The following TRIP12 variants were observed in gnomAD, a reference collection of about 807,000 sequenced individuals.
The protein encoded by TRIP12 is E3 ubiquitin-protein ligase TRIP12.
A neutral mutation model predicts 244.2 loss-of-function variants in TRIP12; 25 were observed. The observed-to-expected ratio is 0.10, with a 90% confidence interval of 0.07 to 0.14. The LOEUF is 0.14. TRIP12 is among the 10% of genes least tolerant of loss of function. TRIP12 has a pLI of 1.00. For missense variants in TRIP12, 1,677 were observed against 2,486.4 expected (o/e 0.67, Z 6.92); for synonymous variants, 905 against 873.1 (o/e 1.04, Z -0.64).
chr2:229,799,260 C>G (rs1262480366), intron 22 of TRIP12, 23 bp downstream of exon 22: 3 of 1,612,438 alleles, frequency 1.9e-6, no homozygotes, highest in Non-Finnish European at 2.5e-6. Context: ...TTTACCTCCC[C>G]ATAGTTTCAT....
At chr2:229,922,542 T>C (rs759130535), upstream of TRIP12, 1 of 1,613,966 alleles carries the variant, frequency 6.2e-7, no homozygotes, top group Non-Finnish European at 8.5e-7. Context: ...GAGACTCTCT[T>C]TGAAACTGTA....
At chr2:229,793,320 T>G (rs1017635258) in intron 26 of TRIP12, 175 bp from the exon 27 acceptor site, 3 of 559,848 alleles carry the variant, frequency 5.4e-6, no homozygotes, top group African/African-American at 3.7e-5. Flanking sequence ...TTAGAAAAAA[T>G]TTTTATACGT....
In TRIP12 at chr2:229,778,600, C is replaced by T. The variant is rs2037062761; in HGVS notation, c.5210-13G>A. 1 of 1,602,526 alleles carries T rather than the reference C, an allele frequency of 6.2e-7. No homozygotes were observed. The highest frequency in any genetic ancestry group is 8.5e-7 in the Non-Finnish European group (1 of 1,174,446). ...CCTTCTTGGCTCCCTGAAAAACAAG[C>T]AATGCAGCAAACTTCAGATGATGTT... is the stretch of plus-strand genomic sequence containing the variant. On this transcript the variant is annotated splice_polypyrimidine_tract_variant and intron_variant, in intron 35 of 41. Coordinates refer to ENST00000675903, the MANE Select transcript of TRIP12 (RefSeq NM_001348323.3). This position sits in a 1 kb window ranked among gnomAD's most constrained non-coding sequence, Gnocchi z 4.1.
upstream of TRIP12, among the ~76,000 whole-genome samples, chr2:229,922,839 C>T (rs976187855): frequency 4.6e-5 from 7 of 152,196 alleles, no homozygotes; most frequent in African/African-American, 1.7e-4. Flanking sequence ...CTCTGCCTCC[C>T]CGCGGTGCCG....
At chr2:229,869,691 T>C (rs2062191943) in intron 2 of TRIP12, among the ~76,000 whole-genome samples, 1 of 152,202 alleles carries the variant, frequency 6.6e-6, no homozygotes, top group Non-Finnish European at 1.5e-5. Context: ...AATCTTATAC[T>C]GATGTTGTAT....
At chr2:229,795,155 G>T (rs1347487084) in intron 26 of TRIP12, 24 bp downstream of exon 26, 1 of 1,609,222 alleles carries the variant, frequency 6.2e-7, no homozygotes, top group African/African-American at 1.3e-5. Flanking sequence ...AGTGGCAAGG[G>T]TATAGCCAGG....
intron 2 of TRIP12, among the ~76,000 whole-genome samples, chr2:229,864,007 A>T (rs936020851): frequency 2.4e-5 from 2 of 82,886 alleles, no homozygotes; most frequent in Admixed American, 2.3e-4. Flanking sequence ...TGGGTGAAAG[A>T]GAGAGAGAGA....
Position 229,767,228 on chromosome 2 carries a change from C to A in TRIP12, c.*326G>T, listed in dbSNP as rs1031129262. The A allele has an allele frequency of 7.2e-5, 16 of 221,126 alleles. No homozygotes were observed. Among genetic ancestry groups the A allele is most frequent in the Non-Finnish European group, 1.1e-4 (12 of 113,682 alleles). The allele number at this position is 221,126 out of a possible 1,614,324, so 13.7% of individuals were successfully genotyped here. ...AGCCCAGAATTAAACTGCACAGCCA[C>A]ATTTATTGTTCCAGCCTGGAAAAAC... On this transcript the variant is annotated 3_prime_UTR_variant, in exon 42 of 42. Transcript: ENST00000675903.
At chr2:229,792,121 A>G in intron 28 of TRIP12, 32 bp downstream of exon 28, 1 of 1,614,018 alleles carries the variant, frequency 6.2e-7, no homozygotes, top group African/African-American at 1.3e-5. Flanking sequence ...TTTATATAGT[A>G]CATTATACAT....
At chr2:229,914,067 A>AG (rs1414155894) in intron 1 of TRIP12, among the ~76,000 whole-genome samples, 1 of 152,024 alleles carries the variant, frequency 6.6e-6, no homozygotes, top group Non-Finnish European at 1.5e-5. Context: ...CAGGAGTTGG[A>AG]GACCAGTCTA....
At chr2:229,784,909 C>T (rs984889778) in intron 34 of TRIP12, among the ~76,000 whole-genome samples, 3 of 152,136 alleles carry the variant, frequency 2.0e-5, no homozygotes, top group Admixed American at 6.5e-5. Context: ...AATGACTTAG[C>T]AATTTAGTTC....
chr2:229,809,798 T>C (rs1036795458), intron 15 of TRIP12, among the ~76,000 whole-genome samples: 2 of 152,220 alleles, frequency 1.3e-5, no homozygotes, highest in African/African-American at 2.4e-5. Context: ...CAACATTATT[T>C]TTCTACAAAG....
chr2:229,908,776 G>A (rs2073582674), intron 1 of TRIP12, among the ~76,000 whole-genome samples: 1 of 148,390 alleles, frequency 6.7e-6, no homozygotes, highest in Admixed American at 6.8e-5. Context: ...GGTGGCTTAC[G>A]CGCCTATAAT....
At chr2:229,823,036 CA>C (rs1270774253) in intron 8 of TRIP12, among the ~76,000 whole-genome samples, 1 of 152,076 alleles carries the variant, frequency 6.6e-6, no homozygotes, top group East Asian at 1.9e-4. Flanking sequence ...ATTCTGAAAA[CA>C]AAACCAAAAA....
rs1174661343 is a variant in TRIP12, at chr2:229,810,914, G to A, written c.2187C>T (p.Asn729=). 5.0e-6 allele frequency: 8 copies of A among 1,614,074 alleles called. No individual in the cohort carries two copies. The highest frequency in any genetic ancestry group is 1.7e-5 in the Admixed American group (1 of 60,024). The change falls in exon 15 of 42, where the codon AAC becomes AAT. Residue 729 remains asparagine, a synonymous_variant. Transcript: ENST00000675903. The part of the protein sequence containing the change: ...VVRMFSLMCS[N]CPTLAVQLMK... ...TAAGTTGAACAGCTAAAGTTGGACA[G>A]TTGGAACACATCAGAGAAAACATGC...
chr2:229,878,674 G>A (rs143970234), intron 2 of TRIP12, among the ~76,000 whole-genome samples: 11,934 of 150,636 alleles, frequency 0.079, 628 homozygotes, highest in Non-Finnish European at 0.12. Context: ...TCCGCCTCCC[G>A]GGTTCACGCC....
intron 8 of TRIP12, 111 bp from the exon 9 acceptor site, chr2:229,818,623 A>G: frequency 1.0e-6 from 1 of 1,003,932 alleles, no homozygotes; most frequent in South Asian, 1.7e-5. Flanking sequence ...ATCCTAATGA[A>G]AGACTAGGTC....
chr2:229,833,629 G>A lies in TRIP12; in HGVS notation c.1271-2790C>T, dbSNP rs142199041. ...TAGGGTGCTGGTTTTGACAGAAATTGGAAACTAATTGTGAAGAAAAGGATT... is the reference window on the plus strand; with the variant it reads ...TAGGGTGCTGGTTTTGACAGAAATTAGAAACTAATTGTGAAGAAAAGGATT... On this transcript the variant is annotated intron_variant, in intron 6 of 41. Transcript: ENST00000675903. 7.2e-5 allele frequency among the ~76,000 whole-genome samples: 11 copies of A among 152,190 alleles called. No homozygotes were observed. The East Asian group carries it at 2.1e-3, about 29-fold the overall frequency.
upstream of TRIP12, chr2:229,922,247 C>G (rs2076725854): frequency 1.1e-5 from 5 of 473,934 alleles, no homozygotes; most frequent in South Asian, 4.9e-5. Context: ...CTGTGGAGAT[C>G]TACTTGGTAT....
Sources: gnomAD v4.1 joint callset for allele counts (sites outside exome capture counted in the v4.1 genomes callset) on GRCh38, gnomAD v4.1.1 for gene constraint, Gnocchi (gnomAD v3.1) non-coding constraint, MANE v1.5 for transcripts, NCBI Gene and HGNC (gene_info 2026-07-23, HGNC 2026-07-21) for gene names.